The following ZNF407 variants were observed in gnomAD, a reference collection of about 807,000 sequenced individuals.
ZNF407 encodes the protein zinc finger protein 407.
In ZNF407, 17 loss-of-function variants were observed where a neutral mutation model predicts 131.2. That is an observed-to-expected ratio of 0.13 (90% CI 0.09 to 0.19). ZNF407 has a LOEUF of 0.19. Ranked by LOEUF, ZNF407 falls within the 10% of genes least tolerant of loss-of-function variation. ZNF407 has a pLI of 1.00. For synonymous variants in ZNF407, 1,156 were observed against 1,062.0 expected, an observed-to-expected ratio of 1.09 and a Z score of -1.72; for missense variants, 2,681 against 2,830.6, an observed-to-expected ratio of 0.95 and a Z score of 1.20.
At chr18:74,624,023 C>T (rs1295532345) in intron 1 of ZNF407, among the ~76,000 whole-genome samples, 2 of 152,154 alleles carry the variant, frequency 1.3e-5, no homozygotes, top group Non-Finnish European at 2.9e-5. Context: ...CAGGTCTTCT[C>T]AATCTTGAAA....
At chr18:74,785,376 G>A (rs1237998298) in intron 4 of ZNF407, among the ~76,000 whole-genome samples, 2 of 152,066 alleles carry the variant, frequency 1.3e-5, no homozygotes, top group African/African-American at 4.8e-5. Context: ...ATTTGTGCTG[G>A]CCTCTCCCCT....
intron 8 of ZNF407, among the ~76,000 whole-genome samples, chr18:74,926,670 G>C (rs545999083): frequency 4.6e-4 from 70 of 152,274 alleles, no homozygotes; most frequent in Non-Finnish European, 7.5e-4. Flanking sequence ...GGGCATGGTG[G>C]TGGGTGCCTG....
At chr18:74,636,674 T>A (rs923698685) in intron 2 of ZNF407, among the ~76,000 whole-genome samples, 1 of 152,192 alleles carries the variant, frequency 6.6e-6, no homozygotes, top group Non-Finnish European at 1.5e-5. Context: ...GACAGAAGAG[T>A]GTGAAGCATT....
At chr18:74,842,487 A>G (rs1970647320) in intron 4 of ZNF407, among the ~76,000 whole-genome samples, 1 of 152,146 alleles carries the variant, frequency 6.6e-6, no homozygotes, top group Non-Finnish European at 1.5e-5. Flanking sequence ...TATTGTTCAT[A>G]TTGATGCTTT....
At chr18:74,945,892 C>A (rs1297058056) in intron 8 of ZNF407, among the ~76,000 whole-genome samples, 2 of 151,966 alleles carry the variant, frequency 1.3e-5, no homozygotes, top group African/African-American at 4.8e-5. Flanking sequence ...GTGTCATAAC[C>A]TCAAAGCTGT....
At chr18:74,851,514 A>G (rs1483253076) in intron 4 of ZNF407, among the ~76,000 whole-genome samples, 3 of 152,194 alleles carry the variant, frequency 2.0e-5, no homozygotes, top group Non-Finnish European at 2.9e-5. Context: ...GGCCACCTGA[A>G]TGTGACCCAG....
chr18:74,910,842 C>G (rs575073969), intron 7 of ZNF407, among the ~76,000 whole-genome samples: 2 of 152,042 alleles, frequency 1.3e-5, no homozygotes, highest in Non-Finnish European at 2.9e-5. Flanking sequence ...ACTTAATGAA[C>G]GGGTGGGCTT....
intron 3 of ZNF407, among the ~76,000 whole-genome samples, chr18:74,766,009 CTGTGTGTGTGTG>C (rs58103313): frequency 6.5e-4 from 96 of 148,196 alleles, no homozygotes; most frequent in African/African-American, 1.8e-3. Context: ...GCATATTACT[CTGTGTGTGTGTG>C]TGTGTGTGTG....
At chr18:74,629,314 G>C (rs2144655968) in intron 1 of ZNF407, among the ~76,000 whole-genome samples, 1 of 152,250 alleles carries the variant, frequency 6.6e-6, no homozygotes, top group Middle Eastern at 3.4e-3. Context: ...TACTGATGTA[G>C]AGTATCTTTT....
chr18:74,786,452 G>A (rs1260076214), intron 4 of ZNF407, among the ~76,000 whole-genome samples: 2 of 151,186 alleles, frequency 1.3e-5, no homozygotes, highest in Non-Finnish European at 1.5e-5. Flanking sequence ...TTTTTCCATA[G>A]TTAGCAATAT....
chr18:75,012,245 A>G (rs1344012515), intron 8 of ZNF407, among the ~76,000 whole-genome samples: 1 of 151,920 alleles, frequency 6.6e-6, no homozygotes, highest in Non-Finnish European at 1.5e-5. Context: ...CAGGGCTTGA[A>G]GCCCACCTGC....
At chr18:74,843,954 G>A (rs1970667685) in intron 4 of ZNF407, among the ~76,000 whole-genome samples, 1 of 152,108 alleles carries the variant, frequency 6.6e-6, no homozygotes, top group Non-Finnish European at 1.5e-5. Context: ...TAAACATGAA[G>A]CATGAACTAT....
chr18:74,804,238 TGGAA>T (rs1293172009), intron 4 of ZNF407: 56 of 1,234,734 alleles, frequency 4.5e-5, no homozygotes, highest in Non-Finnish European at 5.1e-5. Flanking sequence ...AGTGATTTTC[TGGAA>T]GGAACTGTTA....
intron 8 of ZNF407, among the ~76,000 whole-genome samples, chr18:74,930,402 A>C (rs1000958950): frequency 1.3e-5 from 2 of 152,074 alleles, no homozygotes; most frequent in African/African-American, 4.8e-5. Context: ...TTACCTTTTT[A>C]ATCAGTACAC....
chr18:74,889,635 T>C (rs1420598822), intron 6 of ZNF407, among the ~76,000 whole-genome samples: 1 of 152,210 alleles, frequency 6.6e-6, no homozygotes, highest in Non-Finnish European at 1.5e-5. Context: ...AATACAGTGC[T>C]GAACCATCCC....
intron 4 of ZNF407, among the ~76,000 whole-genome samples, chr18:74,818,785 C>T (rs1599174736): frequency 6.8e-6 from 1 of 147,762 alleles, no homozygotes; most frequent in Non-Finnish European, 1.5e-5. Context: ...CCTGATAAGT[C>T]ATTATTCAAT....
chr18:74,653,691 G>A (rs1258517417), intron 3 of ZNF407, among the ~76,000 whole-genome samples: 2 of 151,634 alleles, frequency 1.3e-5, no homozygotes, highest in East Asian at 3.9e-4. Context: ...TTACAAAATA[G>A]CGATACTACA....
At chr18:74,683,987 T>G (rs1387135613) in intron 3 of ZNF407, among the ~76,000 whole-genome samples, 1 of 152,254 alleles carries the variant, frequency 6.6e-6, no homozygotes, top group Non-Finnish European at 1.5e-5. Flanking sequence ...GCTATTTTGC[T>G]TTGATATTTT....
chr18:74,987,708 G>T (rs956407905), intron 8 of ZNF407, among the ~76,000 whole-genome samples: 4 of 151,862 alleles, frequency 2.6e-5, no homozygotes, highest in African/African-American at 4.8e-5. Context: ...AAAAAAAACT[G>T]GATTAGAATA....
Sources: gnomAD v4.1 joint callset for allele counts (sites outside exome capture counted in the v4.1 genomes callset) on GRCh38, gnomAD v4.1.1 for gene constraint, MANE v1.5 for transcripts, NCBI Gene and HGNC (gene_info 2026-07-23, HGNC 2026-07-21) for gene names.